The following CC2D2A variants were observed in gnomAD, a reference collection of about 807,000 sequenced individuals.
CC2D2A encodes the protein coiled-coil and C2 domain containing 2A.
In CC2D2A, 155 loss-of-function variants were observed where a neutral mutation model predicts 212.9. That is an observed-to-expected ratio of 0.73 (90% CI 0.64 to 0.83). The LOEUF (loss-of-function observed/expected upper bound fraction) is 0.83, where lower values mean the gene tolerates loss of function less well. Among genes scored for constraint, CC2D2A ranks in the 40% least tolerant of loss-of-function variants. The pLI is 0.00. For missense variants in CC2D2A, 1,856 were observed against 1,956.2 expected, an observed-to-expected ratio of 0.95 and a Z score of 0.97; for synonymous variants, 667 against 686.5, an observed-to-expected ratio of 0.97 and a Z score of 0.44.
At chr4:15,541,845 A>G (rs557957664) in intron 17 of CC2D2A, among the ~76,000 whole-genome samples, 1 of 152,192 alleles carries the variant, frequency 6.6e-6, no homozygotes, top group South Asian at 2.1e-4. Context: ...ACAAGGAACC[A>G]CTAACTTGGT....
intron 23 of CC2D2A, among the ~76,000 whole-genome samples, chr4:15,562,564 C>T (rs180692689): frequency 1.3e-5 from 2 of 152,344 alleles, no homozygotes; most frequent in East Asian, 3.9e-4. Flanking sequence ...ACCTCCTCCT[C>T]TTCTTCCACC....
In CC2D2A at chr4:15,540,823, G is replaced by T; in HGVS notation, c.2004-14G>T. ...TTATTACTAACTCCACCTGTGAATG[G>T]TCTCCTTTTGCAGAGCGGAGGTCTC... is the stretch of plus-strand genomic sequence containing the variant. On this transcript the variant is annotated splice_polypyrimidine_tract_variant and intron_variant, in intron 16 of 36. Coordinates refer to ENST00000424120, the MANE Select transcript of CC2D2A (RefSeq NM_001378615.1). 1 of 1,588,994 alleles carries T rather than the reference G, an allele frequency of 6.3e-7. No homozygotes were observed. Among genetic ancestry groups the T allele is most frequent in the Non-Finnish European group, 8.6e-7 (1 of 1,167,130 alleles).
intron 16 of CC2D2A, among the ~76,000 whole-genome samples, chr4:15,539,770 G>C (rs1392583154): frequency 6.6e-6 from 1 of 152,130 alleles, no homozygotes; most frequent in Non-Finnish European, 1.5e-5. Context: ...ATTTGGGCTT[G>C]ATTTGGTAAT....
chr4:15,568,507 G>A (rs946496152), intron 26 of CC2D2A, among the ~76,000 whole-genome samples: 6 of 152,178 alleles, frequency 3.9e-5, no homozygotes, highest in Non-Finnish European at 8.8e-5. Flanking sequence ...AGAATTACTT[G>A]AACCCGGGAG....
At chr4:15,473,894 C>T (rs1234308155) in intron 1 of CC2D2A, among the ~76,000 whole-genome samples, 1 of 152,140 alleles carries the variant, frequency 6.6e-6, no homozygotes, top group East Asian at 1.9e-4. Context: ...TTTACTACAA[C>T]AGGAAAACTG....
At chr4:15,516,334 T>G (rs967215201) in intron 10 of CC2D2A, among the ~76,000 whole-genome samples, 6 of 151,300 alleles carry the variant, frequency 4.0e-5, no homozygotes, top group Non-Finnish European at 8.8e-5. Context: ...TTATTCTGTG[T>G]TTTTTTTTCT....
intron 10 of CC2D2A, 82 bp downstream of exon 10, chr4:15,516,086 A>G: frequency 2.2e-6 from 3 of 1,367,808 alleles, no homozygotes; most frequent in Non-Finnish European, 2.9e-6. Flanking sequence ...CAGTCATTGC[A>G]TCCACTGTAC....
Position 15,535,335 on chromosome 4 carries a change from T to C in CC2D2A, c.1608-1585T>C, listed in dbSNP as rs755640241. On this transcript the variant is annotated intron_variant, in intron 14 of 36. Coordinates refer to ENST00000424120, the MANE Select transcript of CC2D2A (RefSeq NM_001378615.1). Reference sequence around the variant, plus strand: ...CCTCCATCCCGCCCATCATCCCTGCTGCTAACTCTCCCTCCATCCCTCCCC... The same window carrying C: ...CCTCCATCCCGCCCATCATCCCTGCCGCTAACTCTCCCTCCATCCCTCCCC... Among the ~76,000 whole-genome samples the C allele has an allele frequency of 1.3e-3, 205 of 152,058 alleles. 4 individuals are homozygous for C. The highest frequency in any genetic ancestry group is 4.4e-4 in the Non-Finnish European group (30 of 68,020).
At chr4:15,473,457 G>C (rs545059214) in intron 1 of CC2D2A, among the ~76,000 whole-genome samples, 1 of 152,246 alleles carries the variant, frequency 6.6e-6, no homozygotes, top group Admixed American at 6.5e-5. Flanking sequence ...AGGAGAACTA[G>C]GTAGCAGGAA....
In CC2D2A at chr4:15,538,061, A is replaced by G; in HGVS notation, c.1927A>G (p.Arg643Gly). 6.2e-7 allele frequency: 1 copy of G among 1,608,266 alleles called. No homozygotes were observed. The highest frequency in any genetic ancestry group is 8.5e-7 in the Non-Finnish European group (1 of 1,177,524). The change falls in exon 16 of 37, where the codon AGG (arginine) becomes GGG (glycine). Residue 643 changes from arginine to glycine, a missense_variant. Physicochemically the swap from Arg to Gly is moderately radical, Grantham distance 125. Coordinates refer to ENST00000424120, the MANE Select transcript of CC2D2A (RefSeq NM_001378615.1). ...GAGGGAGAGAGCAGCCCAGAGCAGGAGGAGGCCTTGGGAGCCCACGCTGGT... is the reference window on the plus strand; with the variant it reads ...GAGGGAGAGAGCAGCCCAGAGCAGGGGGAGGCCTTGGGAGCCCACGCTGGT... Reference protein sequence around the residue: ...EVRERAAQSRRRPWEPTLVPE... With the variant: ...EVRERAAQSRGRPWEPTLVPE...
intron 14 of CC2D2A, among the ~76,000 whole-genome samples, chr4:15,535,555 C>T (rs1269817342): frequency 6.6e-6 from 1 of 151,736 alleles, no homozygotes; most frequent in East Asian, 1.9e-4. Flanking sequence ...CAAGTTTATT[C>T]ATGCTTTTGA....
chr4:15,588,199 T>C (rs1720939068), intron 32 of CC2D2A, among the ~76,000 whole-genome samples: 1 of 152,174 alleles, frequency 6.6e-6, no homozygotes, highest in South Asian at 2.1e-4. Flanking sequence ...TCTGTCCTTT[T>C]AGTATGGGCC....
At chr4:15,499,237 G>A (rs1184243031) in intron 4 of CC2D2A, among the ~76,000 whole-genome samples, 1 of 152,160 alleles carries the variant, frequency 6.6e-6, no homozygotes, top group Non-Finnish European at 1.5e-5. Flanking sequence ...AGCACCAAAA[G>A]TAAGCCCCCA....
At chr4:15,566,377 A>C (rs976970307) in intron 24 of CC2D2A, among the ~76,000 whole-genome samples, 3 of 152,088 alleles carry the variant, frequency 2.0e-5, no homozygotes, top group African/African-American at 7.2e-5. Context: ...CCTGGACTGG[A>C]TGGAGATGGG....
intron 4 of CC2D2A, 135 bp from the exon 5 acceptor site, chr4:15,502,293 TA>T: frequency 1.4e-6 from 1 of 690,530 alleles, no homozygotes; most frequent in Non-Finnish European, 2.4e-6. Flanking sequence ...ATGTGCAAAA[TA>T]AAATTATGTT....
At chr4:15,570,583 G>A (rs915693180) in intron 28 of CC2D2A, 87 bp downstream of exon 28, 77 of 858,268 alleles carry the variant, frequency 9.0e-5, no homozygotes, top group South Asian at 1.3e-4. Context: ...GGCCAGGCGC[G>A]GTGGCTCATG....
At chr4:15,565,719 C>T (rs1206121373) in intron 24 of CC2D2A, among the ~76,000 whole-genome samples, 1 of 152,164 alleles carries the variant, frequency 6.6e-6, no homozygotes, top group African/African-American at 2.4e-5. Context: ...AGAGATCCTC[C>T]TCCCTCAACC....
intron 1 of CC2D2A, among the ~76,000 whole-genome samples, chr4:15,472,351 T>C (rs953283970): frequency 6.6e-6 from 1 of 152,204 alleles, no homozygotes; most frequent in Non-Finnish European, 1.5e-5. Context: ...CATAGCTATT[T>C]TGATGTTGCC....
Position 15,567,760 on chromosome 4 carries a change from G to T in CC2D2A, c.3372G>T (p.Trp1124Cys). 6.3e-7 allele frequency: 1 copy of T among 1,596,628 alleles called. No individual in the cohort carries two copies. Among genetic ancestry groups the T allele is most frequent in the South Asian group, 1.2e-5 (1 of 86,746 alleles). The change falls in exon 26 of 37, where the codon TGG becomes TGT. Residue 1124 changes from tryptophan to cysteine, a missense_variant. Around this residue, in one of 5 missense-constraint regions of CC2D2A, gnomAD observed 1,512 missense variants for 1,579.3 expected, o/e 0.96. Coordinates refer to ENST00000424120, the MANE Select transcript of CC2D2A (RefSeq NM_001378615.1). ...TTTAEGPNPS[W>C]NEELELPFRA... ...CGGCTGAAGGACCAAACCCTAGCTG[G>T]AATGAAGAACTAGAACTTCCATTTA...
Sources: allele counts gnomAD v4.1 joint callset (sites outside exome capture counted in the v4.1 genomes callset), GRCh38; gene constraint gnomAD v4.1.1; regional missense constraint gnomAD v4.1.1; transcripts MANE v1.5; gene names NCBI Gene and HGNC (gene_info 2026-07-23, HGNC 2026-07-21).